The following RPS6KA2 variants were observed in gnomAD, a reference collection of about 807,000 sequenced individuals.
The protein encoded by RPS6KA2 is ribosomal protein S6 kinase alpha-2.
In RPS6KA2, 42 loss-of-function variants were observed where a neutral mutation model predicts 91.8. The ratio of observed to expected loss-of-function variants is 0.46; its 90% CI spans 0.36 to 0.59. The LOEUF is 0.59. Among genes scored for constraint, RPS6KA2 ranks in the 20% least tolerant of loss-of-function variants. The probability of loss-of-function intolerance (pLI) is 0.00; values close to 1 mark genes in which losing one functional copy is unlikely to be tolerated. For synonymous variants in RPS6KA2, 414 were observed against 393.6 expected (o/e 1.05, Z -0.61); for missense variants, 798 against 978.5 (o/e 0.82, Z 2.46).
rs1180976902 is a variant in RPS6KA2, at chr6:166,737,770, T to TA, written c.123+120429dup. Among the ~76,000 whole-genome samples the TA allele has an allele frequency of 6.6e-6, 1 of 152,198 alleles. No homozygotes were observed. On this transcript the variant is annotated intron_variant, in intron 2 of 21. Coordinates refer to the RPS6KA2 transcript ENST00000503859. This position sits in a 1 kb window ranked among gnomAD's most constrained non-coding sequence, Gnocchi z 4.3. ...TTGACAAATGCCGTACCCAAAATAG[T>TA]ATATTCCCTGTTTAGACGAACTCTA... is the stretch of plus-strand genomic sequence containing the variant.
In RPS6KA2 at chr6:166,666,446, G is replaced by A. The variant is rs1788318181; in HGVS notation, c.124-127662C>T. Among the ~76,000 whole-genome samples the A allele has an allele frequency of 2.0e-5, 3 of 152,146 alleles. No individual in the cohort carries two copies. In the South Asian group the frequency reaches 6.2e-4, roughly 32 times the overall value. On this transcript the variant is annotated intron_variant, in intron 2 of 21. Transcript: ENST00000503859. This position sits in a 1 kb window ranked among gnomAD's most constrained non-coding sequence, Gnocchi z 4.0. ...GTTATGTGTTGTTTATAAAATATAAGGATAATTTCACCAAAGAAGATATAC... is the reference window on the plus strand; with the variant it reads ...GTTATGTGTTGTTTATAAAATATAAAGATAATTTCACCAAAGAAGATATAC...
chr6:166,861,039 A>G (rs1339744823), intron 1 of RPS6KA2, among the ~76,000 whole-genome samples: 1 of 152,222 alleles, frequency 6.6e-6, no homozygotes, highest in Admixed American at 6.5e-5. Context: ...GCTATGCCCA[A>G]CAGTCTCTGC....
At chr6:166,512,013 T>C (rs1782492185) in intron 3 of RPS6KA2, among the ~76,000 whole-genome samples, 1 of 152,154 alleles carries the variant, frequency 6.6e-6, no homozygotes, top group African/African-American at 2.4e-5. Flanking sequence ...GGCAGCATTA[T>C]TTACAACAGA....
chr6:166,761,227 TAG>T (rs1778161931), intron 2 of RPS6KA2, among the ~76,000 whole-genome samples: 2 of 152,164 alleles, frequency 1.3e-5, no homozygotes, highest in Non-Finnish European at 2.9e-5. Context: ...GTATTTTTTG[TAG>T]AGACAGGATT....
chr6:166,561,615 C>A (rs992206838), intron 1 of RPS6KA2, among the ~76,000 whole-genome samples: 1 of 151,838 alleles, frequency 6.6e-6, no homozygotes, highest in African/African-American at 2.4e-5. Context: ...GGCAAGACGG[C>A]TGAAGGGGTA....
chr6:166,744,424 G>A (rs1051506064), intron 2 of RPS6KA2, among the ~76,000 whole-genome samples: 11 of 152,336 alleles, frequency 7.2e-5, no homozygotes, highest in South Asian at 6.2e-4. Context: ...GTTGCTGCCC[G>A]CTGAGGCCTC....
chr6:166,618,645 T>C (rs926164888), intron 1 of RPS6KA2, among the ~76,000 whole-genome samples: 1 of 152,212 alleles, frequency 6.6e-6, no homozygotes, highest in Non-Finnish European at 1.5e-5. Context: ...CGGGCACTAC[T>C]CTATAACTCC....
chr6:166,669,673 C>T (rs1788416908), intron 2 of RPS6KA2, among the ~76,000 whole-genome samples: 1 of 152,212 alleles, frequency 6.6e-6, no homozygotes, highest in African/African-American at 2.4e-5. Flanking sequence ...TGCTCCTCCC[C>T]ATCCCCTGCC....
chr6:166,654,887 A>G (rs1787960921), intron 2 of RPS6KA2, among the ~76,000 whole-genome samples: 1 of 152,164 alleles, frequency 6.6e-6, no homozygotes, highest in South Asian at 2.1e-4. Flanking sequence ...TTCCCATCGT[A>G]ATTAATAAGT....
At chr6:166,555,081 T>C (rs1479968899) in intron 1 of RPS6KA2, among the ~76,000 whole-genome samples, 1 of 152,248 alleles carries the variant, frequency 6.6e-6, no homozygotes, top group African/African-American at 2.4e-5. Context: ...ACCAGGAACA[T>C]ACATCCTAAG....
intron 1 of RPS6KA2, among the ~76,000 whole-genome samples, chr6:166,590,759 A>G (rs1050366916): frequency 2.6e-5 from 4 of 152,192 alleles, no homozygotes; most frequent in African/African-American, 9.6e-5. Flanking sequence ...ATTTTAAAAA[A>G]TTAAAAAAAA....
rs1267733672 is a variant in RPS6KA2, at chr6:166,435,808, T to G, written c.1333-3318A>C. 6.6e-6 allele frequency among the ~76,000 whole-genome samples: 1 copy of G among 152,210 alleles called. No homozygotes were observed. The highest frequency in any genetic ancestry group is 2.4e-5 in the African/African-American group (1 of 41,458). On this transcript the variant is annotated intron_variant, in intron 14 of 20. Transcript: ENST00000265678. This position sits in a 1 kb window ranked among gnomAD's most constrained non-coding sequence, Gnocchi z 4.3. ...ACTTGCTGGTACTTGAATGTGGGTG[T>G]CTGCAGGCTCAGCTCCCGTGGAGGG... is the stretch of plus-strand genomic sequence containing the variant.
chr6:166,519,736 C>G (rs1782782021), intron 3 of RPS6KA2, among the ~76,000 whole-genome samples: 1 of 152,206 alleles, frequency 6.6e-6, no homozygotes, highest in Non-Finnish European at 1.5e-5. Context: ...GCAACTAGAG[C>G]TACTTTCTGG....
intron 1 of RPS6KA2, among the ~76,000 whole-genome samples, chr6:166,568,422 T>A (rs1784568929): frequency 6.6e-6 from 1 of 152,028 alleles, no homozygotes. Flanking sequence ...GAGACCAGCC[T>A]GGCCAACATG....
chr6:166,839,429 A>G (rs1194311786), intron 2 of RPS6KA2, among the ~76,000 whole-genome samples: 1 of 151,910 alleles, frequency 6.6e-6, no homozygotes, highest in East Asian at 1.9e-4. Context: ...TTAGATAAAT[A>G]AGTGAGTAAA....
chr6:166,466,359 A>G (rs1157067399), intron 11 of RPS6KA2, among the ~76,000 whole-genome samples: 1 of 152,208 alleles, frequency 6.6e-6, no homozygotes, highest in African/African-American at 2.4e-5. Flanking sequence ...AATCCATCGT[A>G]TTGTTAAAAT....
chr6:166,783,619 CAT>C (rs1778830483), intron 2 of RPS6KA2, among the ~76,000 whole-genome samples: 1 of 151,244 alleles, frequency 6.6e-6, no homozygotes, highest in Non-Finnish European at 1.5e-5. Context: ...TATATGTACA[CAT>C]ATCTATAACT....
At chr6:166,689,024 A>C (rs1044793944) in intron 2 of RPS6KA2, among the ~76,000 whole-genome samples, 2 of 152,248 alleles carry the variant, frequency 1.3e-5, no homozygotes, top group Non-Finnish European at 2.9e-5. Context: ...CCCCGAAAAC[A>C]AAGGAAACTC....
chr6:166,757,042 T>C (rs981970299), intron 2 of RPS6KA2, among the ~76,000 whole-genome samples: 5 of 152,022 alleles, frequency 3.3e-5, no homozygotes, highest in Admixed American at 1.3e-4. Context: ...TGGTTAAAAC[T>C]GAAAAATCTT....
Sources: gnomAD v4.1 joint callset for allele counts (sites outside exome capture counted in the v4.1 genomes callset) on GRCh38, gnomAD v4.1.1 for gene constraint, Gnocchi (gnomAD v3.1) non-coding constraint, MANE v1.5 for transcripts, NCBI Gene and HGNC (gene_info 2026-07-23, HGNC 2026-07-21) for gene names.